OPN5: variants seen among roughly 807,000 people sequenced by gnomAD.
The protein encoded by OPN5 is opsin 5, also known as opsin-5.
OPN5 carries 18 observed loss-of-function variants against 41.7 expected under a neutral mutation model. The observed-to-expected ratio is 0.43, with a 90% CI of 0.30 to 0.64. The LOEUF is 0.64. Ranked by LOEUF, OPN5 falls within the 30% of genes least tolerant of loss-of-function variation. OPN5 has a pLI of 0.13. For missense variants in OPN5, 318 were observed against 434.5 expected, an observed-to-expected ratio of 0.73 and a Z score of 2.38; for synonymous variants, 178 against 164.3, an observed-to-expected ratio of 1.08 and a Z score of -0.64.
At chr6:47,824,479 G>A (rs970453404) in exon 7 of OPN5, 7 of 159,108 alleles carry the variant, frequency 4.4e-5, no homozygotes, top group African/African-American at 1.7e-4. Context: ...GCAGTGCAGG[G>A]GGGTCTTTCA....
intron 2 of OPN5, among the ~76,000 whole-genome samples, chr6:47,790,780 G>A (rs997578268): frequency 6.6e-6 from 1 of 151,980 alleles, no homozygotes; most frequent in African/African-American, 2.4e-5. Context: ...TATATTCACA[G>A]TAGCTAGTTC....
chr6:47,792,047 GC>G, intron 3 of OPN5, 75 bp downstream of exon 3: 1 of 1,013,116 alleles, frequency 9.9e-7, no homozygotes. Context: ...CATATTTTAT[GC>G]AGGTAATAAA....
At chr6:47,822,051 G>A (rs907164441) in intron 6 of OPN5, among the ~76,000 whole-genome samples, 1 of 150,904 alleles carries the variant, frequency 6.6e-6, no homozygotes, top group African/African-American at 2.4e-5. Context: ...GGTGAAGGTT[G>A]CAGCAAGCTG....
exon 1 of OPN5, chr6:47,782,133 C>G (rs1444529069): frequency 1.2e-6 from 2 of 1,613,196 alleles, no homozygotes; most frequent in Non-Finnish European, 1.7e-6. Flanking sequence ...AGATGGGGAT[C>G]CTTTTGCTTC....
At chr6:47,825,252 G>A (rs772242186), downstream of OPN5, 2 of 152,142 alleles carry the variant, frequency 1.3e-5, no homozygotes, top group Non-Finnish European at 2.9e-5. Context: ...TTTAAACCAT[G>A]AAAGACACGA....
chr6:47,812,759 C>G (rs1013711218), intron 6 of OPN5, among the ~76,000 whole-genome samples: 2 of 152,140 alleles, frequency 1.3e-5, no homozygotes, highest in African/African-American at 4.8e-5. Flanking sequence ...CATCTACCTC[C>G]CCTTCTGCTA....
intron 4 of OPN5, among the ~76,000 whole-genome samples, chr6:47,800,409 T>G (rs1773723829): frequency 6.6e-6 from 1 of 152,140 alleles, no homozygotes; most frequent in Non-Finnish European, 1.5e-5. Context: ...TCTGCCCAGG[T>G]GGGGCCACAG....
chr6:47,815,011 T>A (rs1188586260), intron 6 of OPN5, among the ~76,000 whole-genome samples: 4 of 152,110 alleles, frequency 2.6e-5, no homozygotes, highest in Non-Finnish European at 4.4e-5. Context: ...CATTTAAACA[T>A]GGCCTATCTT....
chr6:47,819,139 C>A (rs770202219), intron 6 of OPN5, among the ~76,000 whole-genome samples: 2 of 150,994 alleles, frequency 1.3e-5, no homozygotes, highest in South Asian at 2.1e-4. Flanking sequence ...ATTTGTTTGT[C>A]AAAAAAATTT....
chr6:47,786,680 C>G, intron 2 of OPN5, 46 bp downstream of exon 2: 1 of 1,581,012 alleles, frequency 6.3e-7, no homozygotes, highest in Non-Finnish European at 8.7e-7. Context: ...AAACTACTCC[C>G]CATTCTAAAG....
rs544310153 is a variant in OPN5, at chr6:47,819,379, A to AATATATATAT, written c.1057-4592_1057-4583dup. On this transcript the variant is annotated intron_variant, in intron 6 of 6. Transcript: ENST00000371211. ...AAAAATATATTACCGTATAAGTAGAAATATATATATATATATATATAAAAC... is the reference window on the plus strand; with the variant it reads ...AAAAATATATTACCGTATAAGTAGAAATATATATATATATATATATATATATATATAAAAC... 3.0e-3 allele frequency among the ~76,000 whole-genome samples: 295 copies of AATATATATAT among 97,426 alleles called. 9 individuals carry two copies. Among genetic ancestry groups the AATATATATAT allele is most frequent in the African/African-American group, 9.5e-3 (270 of 28,566 alleles). The allele number at this position is 97,426 out of a possible 152,430, so 63.9% of individuals were successfully genotyped here.
At chr6:47,786,397 A>C in intron 1 of OPN5, 118 bp from the exon 2 acceptor site, 1 of 721,744 alleles carries the variant, frequency 1.4e-6, no homozygotes, top group Non-Finnish European at 2.3e-6. Flanking sequence ...TTTTATTTAG[A>C]GTCCTCTCAC....
At chr6:47,823,200 G>T (rs1762687537) in intron 6 of OPN5, among the ~76,000 whole-genome samples, 1 of 152,176 alleles carries the variant, frequency 6.6e-6, no homozygotes, top group Admixed American at 6.5e-5. Flanking sequence ...AACAGAAAAG[G>T]CAGAGTCAGG....
intron 3 of OPN5, among the ~76,000 whole-genome samples, chr6:47,793,931 C>T (rs1217561967): frequency 1.3e-5 from 2 of 152,060 alleles, no homozygotes; most frequent in African/African-American, 4.8e-5. Flanking sequence ...ATTGCCACCC[C>T]TATCTGGTTG....
At chr6:47,787,568 A>T (rs1220819249) in intron 2 of OPN5, among the ~76,000 whole-genome samples, 1 of 152,192 alleles carries the variant, frequency 6.6e-6, no homozygotes, top group Non-Finnish European at 1.5e-5. Flanking sequence ...TCTTACCATT[A>T]GAAACTTGTT....
chr6:47,787,821 C>A (rs1773238101), intron 2 of OPN5, among the ~76,000 whole-genome samples: 1 of 152,088 alleles, frequency 6.6e-6, no homozygotes, highest in Non-Finnish European at 1.5e-5. Flanking sequence ...TGATCAAGTT[C>A]AGGAGTTCAA....
intron 4 of OPN5, among the ~76,000 whole-genome samples, chr6:47,805,435 TG>T (rs1403716754): frequency 6.6e-6 from 1 of 152,148 alleles, no homozygotes; most frequent in Non-Finnish European, 1.5e-5. Flanking sequence ...TGTGTGTGTG[TG>T]TGTGTGTGTG....
At chr6:47,805,363 T>A (rs747135646) in intron 4 of OPN5, among the ~76,000 whole-genome samples, 2 of 152,138 alleles carry the variant, frequency 1.3e-5, no homozygotes, top group Non-Finnish European at 2.9e-5. Flanking sequence ...GCTCACTTGA[T>A]TGATTTCCTG....
Position 47,809,308 on chromosome 6 carries a change from A to C in OPN5, c.998+913A>C, listed in dbSNP as rs562106943. On this transcript the variant is annotated intron_variant, in intron 5 of 6. Coordinates refer to ENST00000371211, the Ensembl canonical transcript of OPN5. ...TATTTCTTAATACTTCTTCCCTTGA[A>C]TAAGTAAGGGACAGTAGACAAAAAA... 3.9e-5 allele frequency among the ~76,000 whole-genome samples: 6 copies of C among 152,282 alleles called. No homozygotes were observed. The East Asian group carries it at 9.7e-4, about 24-fold the overall frequency.
Sources: gnomAD v4.1 joint callset for allele counts (sites outside exome capture counted in the v4.1 genomes callset) on GRCh38, gnomAD v4.1.1 for gene constraint, MANE v1.5 for transcripts, NCBI Gene and HGNC (gene_info 2026-07-23, HGNC 2026-07-21) for gene names.